CRIM1: variants seen among roughly 807,000 people sequenced by gnomAD.
The protein encoded by CRIM1 is cysteine-rich motor neuron 1 protein.
A neutral mutation model predicts 116.4 loss-of-function variants in CRIM1; 32 were observed. That is an observed-to-expected ratio of 0.27 (90% CI 0.21 to 0.37). The LOEUF (loss-of-function observed/expected upper bound fraction) is 0.37. Ranked by LOEUF, CRIM1 falls within the 10% of genes least tolerant of loss-of-function variation. The pLI is 1.00. For missense variants in CRIM1, 1,331 were observed against 1,354.8 expected, an observed-to-expected ratio of 0.98 and a Z score of 0.28; for synonymous variants, 590 against 509.2, an observed-to-expected ratio of 1.16 and a Z score of -2.13.
chr2:36,398,938 A>G (rs770245598), intron 2 of CRIM1, among the ~76,000 whole-genome samples: 42 of 152,320 alleles, frequency 2.8e-4, no homozygotes, highest in Non-Finnish European at 5.1e-4. Context: ...CCAAGAAAGT[A>G]TGATTTGGAA....
intron 1 of CRIM1, among the ~76,000 whole-genome samples, chr2:36,364,491 A>G (rs1572560196): frequency 6.6e-6 from 1 of 152,360 alleles, no homozygotes; most frequent in East Asian, 1.9e-4. Flanking sequence ...GCATGTCAGG[A>G]GCAAGTAAGA....
At chr2:36,491,946 G>A (rs976515805) in intron 7 of CRIM1, among the ~76,000 whole-genome samples, 1 of 152,114 alleles carries the variant, frequency 6.6e-6, no homozygotes, top group Non-Finnish European at 1.5e-5. Flanking sequence ...TTAGAATCCA[G>A]TGATAATTTT....
Position 36,503,711 on chromosome 2 carries a change from G to GTTGTT in CRIM1, c.1501+4367_1501+4371dup. Among the ~76,000 whole-genome samples the GTTGTT allele has an allele frequency of 2.6e-5, 4 of 152,090 alleles. No individual in the cohort carries two copies. In the South Asian group the frequency reaches 8.3e-4, roughly 32 times the overall value. The stretch of plus-strand genomic sequence containing the variant: ...CTTATAGCCAACTATGGAATAATAG[G>GTTGTT]TTGTTTTTTTTCTATTGCAGCTGCT... On this transcript the variant is annotated intron_variant, in intron 8 of 16. Transcript: ENST00000280527.
chr2:36,405,156 T>C, intron 2 of CRIM1, among the ~76,000 whole-genome samples: 1 of 152,220 alleles, frequency 6.6e-6, no homozygotes, highest in East Asian at 1.9e-4. Flanking sequence ...ATATAACTTT[T>C]TTTCTCAAAA....
At chr2:36,395,004 T>C (rs142170336) in intron 1 of CRIM1, among the ~76,000 whole-genome samples, 1 of 150,718 alleles carries the variant, frequency 6.6e-6, no homozygotes, top group East Asian at 1.9e-4. Flanking sequence ...CATTTGTTTG[T>C]ACTGTCTTTT....
chr2:36,427,616 C>G (rs927576151), intron 2 of CRIM1, among the ~76,000 whole-genome samples: 1 of 152,220 alleles, frequency 6.6e-6, no homozygotes, highest in African/African-American at 2.4e-5. Context: ...GGTGGAAGAG[C>G]TTCTACTTTC....
intron 1 of CRIM1, among the ~76,000 whole-genome samples, chr2:36,382,724 G>A (rs143933188): frequency 1.2e-3 from 184 of 152,332 alleles, no homozygotes; most frequent in Non-Finnish European, 2.2e-3. Flanking sequence ...CTCAAGGGGT[G>A]CATCTTCTGG....
chr2:36,450,292 C>G (rs920048339), intron 4 of CRIM1, among the ~76,000 whole-genome samples: 1 of 152,158 alleles, frequency 6.6e-6, no homozygotes, highest in Non-Finnish European at 1.5e-5. Context: ...CTTGCTGGCT[C>G]CTGGACCCAT....
At chr2:36,447,084 AT>A (rs1359499559) in intron 4 of CRIM1, among the ~76,000 whole-genome samples, 3 of 152,228 alleles carry the variant, frequency 2.0e-5, no homozygotes, top group African/African-American at 7.2e-5. Flanking sequence ...TTTATAAAGC[AT>A]TTTCCCTATT....
intron 8 of CRIM1, among the ~76,000 whole-genome samples, chr2:36,504,134 A>G (rs1335369916): frequency 2.6e-5 from 4 of 152,116 alleles, no homozygotes; most frequent in Non-Finnish European, 5.9e-5. Context: ...TCGATCTCCT[A>G]AAGTGCTGAG....
At chr2:36,433,841 T>C (rs548173533) in intron 2 of CRIM1, among the ~76,000 whole-genome samples, 8 of 152,176 alleles carry the variant, frequency 5.3e-5, no homozygotes, top group Non-Finnish European at 7.4e-5. Flanking sequence ...TCAAAAACAA[T>C]TTAATATGGC....
At chr2:36,497,245 T>C (rs906522228) in intron 7 of CRIM1, among the ~76,000 whole-genome samples, 2 of 152,194 alleles carry the variant, frequency 1.3e-5, no homozygotes, top group African/African-American at 4.8e-5. Context: ...AGTTCAGAAT[T>C]CTTCCCTCAA....
chr2:36,506,494 C>T (rs1229114590), intron 8 of CRIM1, among the ~76,000 whole-genome samples: 4 of 152,076 alleles, frequency 2.6e-5, no homozygotes, highest in East Asian at 3.9e-4. Flanking sequence ...ATGGAGGTTA[C>T]GTTGTATTTA....
intron 7 of CRIM1, among the ~76,000 whole-genome samples, chr2:36,485,869 G>T (rs1679780994): frequency 6.6e-6 from 1 of 152,126 alleles, no homozygotes; most frequent in Admixed American, 6.6e-5. Flanking sequence ...TTAGGCATGT[G>T]TTTTATCCTT....
intron 4 of CRIM1, among the ~76,000 whole-genome samples, chr2:36,462,321 A>G (rs563828726): frequency 3.3e-5 from 5 of 152,364 alleles, no homozygotes; most frequent in South Asian, 2.1e-4. Flanking sequence ...ATATATGTCT[A>G]TAAGAAACTT....
rs529633259 is a variant in CRIM1, at chr2:36,460,968, T to G, written c.870-3566T>G. Among the ~76,000 whole-genome samples the G allele has an allele frequency of 2.6e-5, 4 of 152,210 alleles. No individual in the cohort carries two copies. The East Asian group carries it at 7.7e-4, about 29-fold the overall frequency. On this transcript the variant is annotated intron_variant, in intron 4 of 16. Coordinates refer to ENST00000280527, the MANE Select transcript of CRIM1 (RefSeq NM_016441.3). ...GGCAGGCAGTGCAGAGACAGCAAAG[T>G]GCGGACTTATTTGGAGAAAAGAGCA...
intron 7 of CRIM1, among the ~76,000 whole-genome samples, chr2:36,495,238 C>A (rs967055230): frequency 1.3e-5 from 2 of 152,046 alleles, no homozygotes; most frequent in African/African-American, 4.8e-5. Flanking sequence ...AGTGCCATAC[C>A]CCCTGTAACA....
chr2:36,480,397 G>T (rs181441937), intron 7 of CRIM1, among the ~76,000 whole-genome samples: 127 of 152,288 alleles, frequency 8.3e-4, no homozygotes, highest in African/African-American at 2.8e-3. Context: ...GCAGACAAGG[G>T]CTTGAATATT....
intron 1 of CRIM1, among the ~76,000 whole-genome samples, chr2:36,385,710 C>T (rs569257139): frequency 6.6e-6 from 1 of 152,234 alleles, no homozygotes; most frequent in South Asian, 2.1e-4. Flanking sequence ...TTGACATTAA[C>T]TTGAAATTTT....
Sources: gnomAD v4.1 joint callset for allele counts (sites outside exome capture counted in the v4.1 genomes callset) on GRCh38, gnomAD v4.1.1 for gene constraint, MANE v1.5 for transcripts, NCBI Gene and HGNC (gene_info 2026-07-23, HGNC 2026-07-21) for gene names.